NPEPPS: variants seen among roughly 807,000 people sequenced by gnomAD.
NPEPPS encodes aminopeptidase puromycin sensitive, also known as puromycin-sensitive aminopeptidase.
A neutral mutation model predicts 115.5 loss-of-function variants in NPEPPS; 14 were observed. The observed-to-expected ratio is 0.12, with a 90% CI of 0.08 to 0.19. NPEPPS has a LOEUF of 0.19. NPEPPS is among the 10% of genes least tolerant of loss of function. The pLI is 1.00. For missense variants in NPEPPS, 523 were observed against 1,110.8 expected, an observed-to-expected ratio of 0.47 and a Z score of 7.52; for synonymous variants, 285 against 390.6, an observed-to-expected ratio of 0.73 and a Z score of 3.19.
chr17:47,581,664 A>C (rs1226164409), intron 4 of NPEPPS: 1 of 150,698 alleles, frequency 6.6e-6, no homozygotes, highest in African/African-American at 2.4e-5. Context: ...ATAGTCAGCC[A>C]AGTTTCTTCT....
At chr17:47,553,380 A>G (rs1396387425) in intron 2 of NPEPPS, among the ~76,000 whole-genome samples, 2 of 152,010 alleles carry the variant, frequency 1.3e-5, no homozygotes, top group Non-Finnish European at 2.9e-5. Flanking sequence ...AAAAAAAAAA[A>G]AAAGATCCAG....
intron 3 of NPEPPS, chr17:47,577,298 A>G (rs1327804426): frequency 8.4e-6 from 3 of 355,624 alleles, no homozygotes; most frequent in Admixed American, 3.9e-5. Context: ...AGTGAAACAG[A>G]CTGGGCAATT....
At chr17:47,573,957 G>C (rs186790403) in intron 3 of NPEPPS, among the ~76,000 whole-genome samples, 19 of 152,108 alleles carry the variant, frequency 1.2e-4, no homozygotes, top group African/African-American at 4.3e-4. Flanking sequence ...GAAAAAATTA[G>C]AAGTCAATAG....
intron 1 of NPEPPS, among the ~76,000 whole-genome samples, chr17:47,535,369 G>T (rs907161780): frequency 2.0e-5 from 3 of 149,050 alleles, no homozygotes; most frequent in Admixed American, 6.7e-5. Context: ...GGCTAACCCA[G>T]TGAAACCCCG....
chr17:47,583,290 G>A (rs1003726737), intron 5 of NPEPPS, among the ~76,000 whole-genome samples: 7 of 152,082 alleles, frequency 4.6e-5, no homozygotes, highest in Non-Finnish European at 8.8e-5. Flanking sequence ...GTAACTAAAA[G>A]CAAAAGGTCT....
intron 12 of NPEPPS, among the ~76,000 whole-genome samples, chr17:47,592,916 C>G (rs1359827286): frequency 3.3e-5 from 5 of 152,114 alleles, no homozygotes; most frequent in Non-Finnish European, 1.5e-5. Context: ...CCCCCTACCC[C>G]ATGACAGGCC....
At chr17:47,571,101 T>C (rs1286008484) in intron 3 of NPEPPS, among the ~76,000 whole-genome samples, 2 of 152,194 alleles carry the variant, frequency 1.3e-5, no homozygotes, top group Admixed American at 1.3e-4. Context: ...TAGTGAAATA[T>C]ACTTAGCAAT....
At chr17:47,554,284 C>A (rs1369446368) in intron 2 of NPEPPS, among the ~76,000 whole-genome samples, 1 of 152,124 alleles carries the variant, frequency 6.6e-6, no homozygotes, top group Admixed American at 6.6e-5. Context: ...AGGTGATCTT[C>A]CCCCCTCAGC....
Position 47,561,101 on chromosome 17 carries a change from T to C in NPEPPS, c.341-8316T>C, listed in dbSNP as rs189366706. 2.4e-3 allele frequency among the ~76,000 whole-genome samples: 362 copies of C among 152,326 alleles called. 3 individuals are homozygous for C. The highest frequency in any genetic ancestry group is 2.6e-3 in the Non-Finnish European group (180 of 68,034). On this transcript the variant is annotated intron_variant, in intron 2 of 22. Transcript: ENST00000322157. The stretch of plus-strand genomic sequence containing the variant: ...ATGCTTGTATAGATGGTATAAGCAA[T>C]AATGATTTCGGCTATTTTTAAAAAT...
At chr17:47,590,456 C>CA (rs59183684) in intron 9 of NPEPPS, among the ~76,000 whole-genome samples, 1,399 of 136,022 alleles carry the variant, frequency 0.01, 18 homozygotes, top group African/African-American at 0.036. Flanking sequence ...GACTTTGTCT[C>CA]AAAAAAAAAA....
intron 3 of NPEPPS, among the ~76,000 whole-genome samples, chr17:47,570,908 G>T (rs1911153459): frequency 6.6e-6 from 1 of 152,132 alleles, no homozygotes; most frequent in Non-Finnish European, 1.5e-5. Flanking sequence ...GCCTAAATAT[G>T]TTCATGTCCT....
intron 19 of NPEPPS, among the ~76,000 whole-genome samples, chr17:47,614,146 G>GT (rs1238765038): frequency 1.3e-5 from 2 of 151,794 alleles, no homozygotes; most frequent in Non-Finnish European, 2.9e-5. Flanking sequence ...TAATTTTTGT[G>GT]TTTTTTGTAG....
At chr17:47,587,521 CA>C (rs1912264308) in intron 9 of NPEPPS, among the ~76,000 whole-genome samples, 177 bp downstream of exon 9, 3 of 151,702 alleles carry the variant, frequency 2.0e-5, no homozygotes, top group African/African-American at 7.3e-5. Context: ...CTGCATTGAA[CA>C]AGGGCATATG....
chr17:47,530,610 G>T (rs1907669754), upstream of NPEPPS, among the ~76,000 whole-genome samples: 1 of 151,822 alleles, frequency 6.6e-6, no homozygotes, highest in Non-Finnish European at 1.5e-5. Flanking sequence ...GCCCGCCTCG[G>T]CCTCCCGAAG....
chr17:47,578,434 G>T (rs940779126), intron 3 of NPEPPS, among the ~76,000 whole-genome samples: 2 of 151,466 alleles, frequency 1.3e-5, no homozygotes, highest in Non-Finnish European at 2.9e-5. Context: ...ATTCCTCTAC[G>T]TTTTTTCGTG....
At chr17:47,597,014 C>T (rs1275990293) in intron 13 of NPEPPS, among the ~76,000 whole-genome samples, 1 of 150,422 alleles carries the variant, frequency 6.6e-6, no homozygotes, top group Non-Finnish European at 1.5e-5. Context: ...TGCCACTGCA[C>T]TCCAGCTTGG....
intron 1 of NPEPPS, among the ~76,000 whole-genome samples, chr17:47,542,193 C>T (rs1908813592): frequency 6.6e-6 from 1 of 152,046 alleles, no homozygotes; most frequent in Non-Finnish European, 1.5e-5. Context: ...GAATTAGTTA[C>T]CATTAATAAA....
Position 47,541,662 on chromosome 17 carries a change from G to A in NPEPPS, c.256-4247G>A, listed in dbSNP as rs1368356226. Among the ~76,000 whole-genome samples the A allele has an allele frequency of 4.6e-5, 7 of 152,142 alleles. No homozygotes were observed. In the East Asian group the frequency reaches 9.7e-4, roughly 21 times the overall value. ...AGTGCTGGGATTACAGGCATGAGCCGTCGTGCCCAGCCATGTTTCTGAATT... is the reference window on the plus strand; with the variant it reads ...AGTGCTGGGATTACAGGCATGAGCCATCGTGCCCAGCCATGTTTCTGAATT... On this transcript the variant is annotated intron_variant, in intron 1 of 22. Transcript: ENST00000322157.
At chr17:47,603,737 T>C (rs928246334) in intron 15 of NPEPPS, 178 bp from the exon 16 acceptor site, 3 of 467,812 alleles carry the variant, frequency 6.4e-6, no homozygotes, top group Non-Finnish European at 7.4e-6. Flanking sequence ...TTTTCTTTTG[T>C]CTGTGCATTC....
Sources: allele counts gnomAD v4.1 joint callset (sites outside exome capture counted in the v4.1 genomes callset), GRCh38; gene constraint gnomAD v4.1.1; transcripts MANE v1.5; gene names NCBI Gene and HGNC (gene_info 2026-07-23, HGNC 2026-07-21).